NDEL1: variants seen among roughly 807,000 people sequenced by gnomAD.
NDEL1 encodes the protein nuclear distribution protein nudE-like 1.
In NDEL1, 9 loss-of-function variants were observed where a neutral mutation model predicts 45.7. That is an observed-to-expected ratio of 0.20 (90% CI 0.12 to 0.34). The LOEUF (loss-of-function observed/expected upper bound fraction) is 0.34. NDEL1 is among the 10% of genes least tolerant of loss of function. NDEL1 has a pLI of 1.00. For synonymous variants in NDEL1, 133 were observed against 158.6 expected (o/e 0.84, Z 1.21); for missense variants, 306 against 406.2 (o/e 0.75, Z 2.12).
At chr17:8,431,830 ATATAAAC>A (rs902992752), upstream of NDEL1, 1 of 151,996 alleles carries the variant, frequency 6.6e-6, no homozygotes, top group Non-Finnish European at 1.5e-5. Context: ...AAATTAAAAG[ATATAAAC>A]TTTATTTCTC....
In NDEL1 at chr17:8,460,088, T is replaced by G; in HGVS notation, c.872T>G (p.Val291Gly). The G allele has an allele frequency of 6.2e-7, 1 of 1,614,186 alleles. No homozygotes were observed. Among genetic ancestry groups the G allele is most frequent in the Non-Finnish European group, 8.5e-7 (1 of 1,180,022 alleles). ...ASRKSYISGNVNCGVLNGNGT... is the reference protein window; with the variant it reads ...ASRKSYISGNGNCGVLNGNGT... ...CGAAAATCCTATATTTCAGGGAATG[T>G]TAACTGTGGGGTGCTGAATGGCAAT... Residue 291 changes from valine to glycine, a missense_variant, in exon 8 of 9, where the codon GTT (valine) becomes GGT (glycine). Around this residue, in one of 3 missense-constraint regions of NDEL1, gnomAD observed 175 missense variants for 205.2 expected, o/e 0.85. Transcript: ENST00000334527.
intron 1 of NDEL1, among the ~76,000 whole-genome samples, chr17:8,416,580 T>A (rs1286559321): frequency 6.6e-6 from 1 of 152,224 alleles, no homozygotes; most frequent in African/African-American, 2.4e-5. Flanking sequence ...TGGTTTTATG[T>A]CTGTGGAAGT....
upstream of NDEL1, chr17:8,435,862 GAATGGCCTC>G: frequency 2.2e-6 from 1 of 447,186 alleles, no homozygotes; most frequent in South Asian, 1.6e-5. Flanking sequence ...GTGCGTCACA[GAATGGCCTC>G]GGACACCCAG....
chr17:8,434,189 G>A (rs1240473671), upstream of NDEL1, among the ~76,000 whole-genome samples: 8 of 152,216 alleles, frequency 5.3e-5, no homozygotes, highest in Admixed American at 2.6e-4. Flanking sequence ...GGGGGGCTGA[G>A]GTGGGAAGAT....
At chr17:8,432,575 G>T (rs908149531), upstream of NDEL1, among the ~76,000 whole-genome samples, 1 of 151,300 alleles carries the variant, frequency 6.6e-6, no homozygotes, top group African/African-American at 2.4e-5. Context: ...TAGTAGAGAC[G>T]GGTTTTCACC....
At chr17:8,440,359 C>T (rs996101810) in intron 1 of NDEL1, among the ~76,000 whole-genome samples, 2 of 151,762 alleles carry the variant, frequency 1.3e-5, no homozygotes, top group Admixed American at 6.6e-5. Flanking sequence ...ACTAAAAATA[C>T]AAAAATTAGC....
chr17:8,418,252 G>A (rs1370708897), intron 1 of NDEL1, among the ~76,000 whole-genome samples: 1 of 152,114 alleles, frequency 6.6e-6, no homozygotes, highest in African/African-American at 2.4e-5. Flanking sequence ...TCTTTTTGGT[G>A]GGATTTCAAG....
intron 1 of NDEL1, among the ~76,000 whole-genome samples, chr17:8,426,766 T>C (rs1184214152): frequency 1.3e-5 from 2 of 151,992 alleles, no homozygotes; most frequent in Admixed American, 6.6e-5. Flanking sequence ...TCAAGTTCCA[T>C]CAATAGGGGA....
chr17:8,420,241 G>A (rs902661807), intron 1 of NDEL1, among the ~76,000 whole-genome samples: 7 of 152,298 alleles, frequency 4.6e-5, no homozygotes, highest in African/African-American at 1.7e-4. Context: ...CTGCTTCATA[G>A]CATTGTTGTG....
chr17:8,434,315 C>T (rs142286543), upstream of NDEL1, among the ~76,000 whole-genome samples: 136 of 152,220 alleles, frequency 8.9e-4, no homozygotes, highest in African/African-American at 2.8e-3. Context: ...CTCCCGGGTT[C>T]GAGCGATTCT....
upstream of NDEL1, among the ~76,000 whole-genome samples, chr17:8,434,848 G>A (rs570826794): frequency 6.5e-4 from 99 of 151,902 alleles, no homozygotes; most frequent in Non-Finnish European, 1.2e-3. Flanking sequence ...GAGGCGGGCG[G>A]ATCACGAGGT....
At chr17:8,441,071 C>T (rs998215704) in intron 1 of NDEL1, among the ~76,000 whole-genome samples, 1 of 152,118 alleles carries the variant, frequency 6.6e-6, no homozygotes, top group Non-Finnish European at 1.5e-5. Context: ...ACACTACTAG[C>T]AATATCATCA....
chr17:8,449,270 C>A (rs961974529), intron 5 of NDEL1, among the ~76,000 whole-genome samples: 2 of 152,138 alleles, frequency 1.3e-5, no homozygotes, highest in Non-Finnish European at 2.9e-5. Flanking sequence ...CGTGAGCCAC[C>A]GCGCCTGGCC....
At chr17:8,415,676 C>T (rs112407562) in intron 1 of NDEL1, among the ~76,000 whole-genome samples, 2,088 of 152,154 alleles carry the variant, frequency 0.014, 52 homozygotes, top group African/African-American at 0.047. Flanking sequence ...GCTCTTGCCT[C>T]GGTCTCCCAG....
At position 8,461,204 on chromosome 17, in the gene NDEL1, A is replaced by G. The variant is rs796863633; in HGVS notation, c.944+1044A>G. The G allele has an allele frequency of 2.2e-4, 33 of 152,302 alleles. 1 individual carries two copies. The highest frequency in any genetic ancestry group is 6.5e-4 in the African/African-American group (27 of 41,560). 9.4% of individuals were successfully genotyped at this position (152,302 alleles called of 1,614,324 possible). A position where few individuals can be genotyped will look rare whatever the true frequency, so the allele number is the denominator to read the frequency against. On this transcript the variant is annotated intron_variant, in intron 8 of 8. Coordinates refer to ENST00000334527, the MANE Select transcript of NDEL1 (RefSeq NM_030808.5). ...CAGCTGGGATTTTCTGCCGTCCTCA[A>G]TAATTATGGCACATGTGTAAAGGAG...
chr17:8,420,389 A>G (rs1908672886), intron 1 of NDEL1, among the ~76,000 whole-genome samples: 2 of 152,186 alleles, frequency 1.3e-5, no homozygotes, highest in African/African-American at 4.8e-5. Flanking sequence ...AATGATAGCT[A>G]TTTTTTTAAA....
intron 1 of NDEL1, among the ~76,000 whole-genome samples, chr17:8,442,970 G>C (rs1485862659): frequency 6.6e-6 from 1 of 151,532 alleles, no homozygotes; most frequent in African/African-American, 2.4e-5. Flanking sequence ...TAGCAGAGAT[G>C]GGGTTTCACC....
chr17:8,454,126 A>G (rs1465861302), intron 6 of NDEL1, among the ~76,000 whole-genome samples: 3 of 152,196 alleles, frequency 2.0e-5, no homozygotes, highest in Non-Finnish European at 4.4e-5. Flanking sequence ...GGGAAACATT[A>G]TGACATTAAG....
At position 8,460,158 on chromosome 17, in the gene NDEL1, A is replaced by C. The variant is rs972394513; in HGVS notation, c.942A>C (p.Lys314Asn). The C allele has an allele frequency of 1.2e-6, 2 of 1,612,364 alleles. No homozygotes were observed. The highest frequency in any genetic ancestry group is 1.7e-5 in the Admixed American group (1 of 59,642). The change falls in exon 8 of 9, where the codon AAA becomes AAC. Residue 314 changes from lysine (K) to asparagine (N), a missense_variant and splice_region_variant. By Grantham distance (94) the Lys-to-Asn change is moderately conservative (BLOSUM62 0). This residue lies in a region of NDEL1 where 175 missense variants were observed against 205.2 expected (regional missense o/e 0.85). Coordinates refer to ENST00000334527, the MANE Select transcript of NDEL1 (RefSeq NM_030808.5). ...SRSGHTSFFD[K>N]GAVNGFDPAP... ...CAGGGCATACATCTTTCTTCGACAA[A>C]GGGTAAGTCCTGAATGTTTTAAGTG...
Sources: gnomAD v4.1 joint callset for allele counts (sites outside exome capture counted in the v4.1 genomes callset) on GRCh38, gnomAD v4.1.1 for gene constraint, gnomAD v4.1.1 regional missense constraint, MANE v1.5 for transcripts, NCBI Gene and HGNC (gene_info 2026-07-23, HGNC 2026-07-21) for gene names.